The following CHRM3 variants were observed in gnomAD, a reference collection of about 807,000 sequenced individuals.
CHRM3 encodes cholinergic receptor muscarinic 3.
A neutral mutation model predicts 41.8 loss-of-function variants in CHRM3; 11 were observed. That is an observed-to-expected ratio of 0.26 (90% CI 0.17 to 0.44). The LOEUF (loss-of-function observed/expected upper bound fraction) is 0.44. Ranked by LOEUF, CHRM3 falls within the 20% of genes least tolerant of loss-of-function variation. The pLI is 1.00. For synonymous variants in CHRM3, 297 were observed against 301.4 expected (o/e 0.99, Z 0.15); for missense variants, 571 against 745.4 (o/e 0.77, Z 2.72).
chr1:239,682,818 T>C (rs185943640), intron 5 of CHRM3, among the ~76,000 whole-genome samples: 8 of 152,340 alleles, frequency 5.3e-5, no homozygotes, highest in Admixed American at 4.6e-4. Flanking sequence ...AATTTTTTTG[T>C]ATCTGTTATT....
chr1:239,423,906 T>G (rs1662150709), intron 1 of CHRM3, among the ~76,000 whole-genome samples: 1 of 151,574 alleles, frequency 6.6e-6, no homozygotes, highest in African/African-American at 2.4e-5. Flanking sequence ...ATACAAAAAA[T>G]TAGCCAGGCA....
chr1:239,465,871 CTT>C (rs1052958280), intron 1 of CHRM3, among the ~76,000 whole-genome samples: 6 of 152,156 alleles, frequency 3.9e-5, no homozygotes, highest in African/African-American at 1.4e-4. Context: ...TCTTCCACCT[CTT>C]TCACCCCTGC....
intron 2 of CHRM3, among the ~76,000 whole-genome samples, chr1:239,521,634 T>A (rs765074118): frequency 6.6e-6 from 1 of 152,190 alleles, no homozygotes; most frequent in African/African-American, 2.4e-5. Flanking sequence ...TGCACTGGTT[T>A]TATAGACAGG....
intron 1 of CHRM3, among the ~76,000 whole-genome samples, chr1:239,452,137 A>T (rs1339208492): frequency 2.6e-5 from 4 of 152,218 alleles, no homozygotes; most frequent in Non-Finnish European, 2.9e-5. Flanking sequence ...CATTTAGGCC[A>T]CATGACGGAA....
At chr1:239,718,229 A>G (rs1219112446) in intron 5 of CHRM3, among the ~76,000 whole-genome samples, 1 of 152,072 alleles carries the variant, frequency 6.6e-6, no homozygotes, top group African/African-American at 2.4e-5. Flanking sequence ...AATGAAGTGT[A>G]TATTTTCCAA....
intron 6 of CHRM3, among the ~76,000 whole-genome samples, chr1:239,883,899 G>A (rs764726117): frequency 7.9e-5 from 12 of 152,118 alleles, no homozygotes; most frequent in Non-Finnish European, 1.6e-4. Context: ...TTTTGAAAGA[G>A]CATCTCTCCT....
At chr1:239,782,021 T>G (rs1668541910) in intron 5 of CHRM3, among the ~76,000 whole-genome samples, 1 of 152,136 alleles carries the variant, frequency 6.6e-6, no homozygotes, top group Non-Finnish European at 1.5e-5. Flanking sequence ...TTGCTAATAT[T>G]TTGTTGAGGA....
At chr1:239,683,951 T>C (rs936641517) in intron 5 of CHRM3, among the ~76,000 whole-genome samples, 2 of 152,198 alleles carry the variant, frequency 1.3e-5, no homozygotes, top group African/African-American at 4.8e-5. Flanking sequence ...GCTTTTCACA[T>C]GTCAAATTAT....
chr1:239,859,827 A>ATATATT lies in CHRM3; in HGVS notation c.-20+32454_-20+32455insTTATAT, dbSNP rs1278679609. Among the ~76,000 whole-genome samples the ATATATT allele has an allele frequency of 7.8e-3, 306 of 39,166 alleles. 3 individuals are homozygous for ATATATT. The highest frequency in any genetic ancestry group is 0.013 in the African/African-American group (287 of 22,442). 25.7% of individuals were successfully genotyped at this position (39,166 alleles called of 152,430 possible). A position where few individuals can be genotyped will look rare whatever the true frequency, so the allele number is the denominator to read the frequency against. On this transcript the variant is annotated intron_variant, in intron 6 of 6. Transcript: ENST00000676153. The stretch of plus-strand genomic sequence containing the variant: ...TATAAGTTCTAAGTGTTTTATATAT[A>ATATATT]TATATATATATATATATATATATAG...
chr1:239,656,057 C>T (rs1015646045), intron 4 of CHRM3, among the ~76,000 whole-genome samples: 2 of 151,974 alleles, frequency 1.3e-5, no homozygotes, highest in African/African-American at 2.4e-5. Context: ...GAAATAGAAA[C>T]TGAGTTACTG....
chr1:239,607,804 G>GT (rs1666519984), intron 3 of CHRM3, among the ~76,000 whole-genome samples: 1 of 152,058 alleles, frequency 6.6e-6, no homozygotes, highest in South Asian at 2.1e-4. Flanking sequence ...TTTAATGCAA[G>GT]TGGGCTATAA....
chr1:239,822,758 C>G (rs1440764925), intron 5 of CHRM3, among the ~76,000 whole-genome samples: 3 of 152,180 alleles, frequency 2.0e-5, no homozygotes, highest in Non-Finnish European at 4.4e-5. Flanking sequence ...TGGACACTAA[C>G]ATCATTGCTG....
chr1:239,798,692 T>C (rs1669983255), intron 5 of CHRM3, among the ~76,000 whole-genome samples: 1 of 152,154 alleles, frequency 6.6e-6, no homozygotes, highest in South Asian at 2.1e-4. Context: ...ACGGATTACT[T>C]TGTGACTCTT....
intron 2 of CHRM3, among the ~76,000 whole-genome samples, chr1:239,532,588 G>A (rs1163784168): frequency 6.8e-6 from 1 of 147,590 alleles, no homozygotes; most frequent in Non-Finnish European, 1.5e-5. Context: ...TCACGCCACT[G>A]CACTCTGCCT....
chr1:239,396,411 G>T (rs1008764353), intron 1 of CHRM3, among the ~76,000 whole-genome samples: 8 of 151,978 alleles, frequency 5.3e-5, no homozygotes, highest in African/African-American at 1.9e-4. Context: ...AGAAGTTGAA[G>T]ACCAACCTGG....
chr1:239,650,203 T>A (rs1364132543), intron 4 of CHRM3, among the ~76,000 whole-genome samples: 1 of 151,582 alleles, frequency 6.6e-6, no homozygotes, highest in Non-Finnish European at 1.5e-5. Context: ...ACACTTCTTC[T>A]GTAACATGGA....
intron 1 of CHRM3, among the ~76,000 whole-genome samples, chr1:239,448,386 A>G (rs927747839): frequency 6.6e-6 from 1 of 152,204 alleles, no homozygotes; most frequent in Non-Finnish European, 1.5e-5. Context: ...TTATATATAA[A>G]GTAGCATGTG....
At chr1:239,673,205 C>A (rs1362493028) in intron 4 of CHRM3, among the ~76,000 whole-genome samples, 1 of 152,104 alleles carries the variant, frequency 6.6e-6, no homozygotes, top group African/African-American at 2.4e-5. Flanking sequence ...CAGTTCTTTT[C>A]TTTAGCTCCG....
At chr1:239,840,544 T>C (rs999920573) in intron 6 of CHRM3, among the ~76,000 whole-genome samples, 2 of 152,210 alleles carry the variant, frequency 1.3e-5, no homozygotes, top group Non-Finnish European at 2.9e-5. Context: ...TGCTGTCTAC[T>C]GCCCTGGAGG....
Sources: gnomAD v4.1 joint callset for allele counts (sites outside exome capture counted in the v4.1 genomes callset) on GRCh38, gnomAD v4.1.1 for gene constraint, MANE v1.5 for transcripts, NCBI Gene and HGNC (gene_info 2026-07-23, HGNC 2026-07-21) for gene names.